SNTG1: variants seen among roughly 807,000 people sequenced by gnomAD.
The protein encoded by SNTG1 is syntrophin gamma 1.
In SNTG1, 39 loss-of-function variants were observed where a neutral mutation model predicts 74.7. That is an observed-to-expected ratio of 0.52 (90% CI 0.40 to 0.68). The LOEUF is 0.68. Ranked by LOEUF, SNTG1 falls within the 30% of genes least tolerant of loss-of-function variation. SNTG1 has a pLI of 0.00. For missense variants in SNTG1, 685 were observed against 609.5 expected (o/e 1.12, Z -1.30); for synonymous variants, 254 against 217.1 (o/e 1.17, Z -1.49).
intron 1 of SNTG1, among the ~76,000 whole-genome samples, chr8:49,938,260 C>T (rs1232593382): frequency 6.6e-6 from 1 of 152,164 alleles, no homozygotes. Context: ...TGATCATTGC[C>T]CATGATGTGT....
intron 2 of SNTG1, among the ~76,000 whole-genome samples, chr8:50,303,405 G>A (rs2089736745): frequency 6.6e-6 from 1 of 151,616 alleles, no homozygotes; most frequent in African/African-American, 2.4e-5. Flanking sequence ...AGTAAATAAA[G>A]GTAATAAATA....
intron 1 of SNTG1, among the ~76,000 whole-genome samples, chr8:49,957,231 G>C (rs1810260635): frequency 6.6e-6 from 1 of 152,294 alleles, no homozygotes; most frequent in East Asian, 1.9e-4. Flanking sequence ...CATTCTCACA[G>C]TTTCCAGCAG....
intron 2 of SNTG1, among the ~76,000 whole-genome samples, chr8:50,385,418 G>T (rs1485585940): frequency 6.6e-6 from 1 of 152,138 alleles, no homozygotes. Flanking sequence ...CACACCACTG[G>T]ACCCCCAGAA....
intron 1 of SNTG1, among the ~76,000 whole-genome samples, chr8:50,077,485 ATAT>A (rs1821997777): frequency 6.6e-6 from 1 of 152,164 alleles, no homozygotes; most frequent in Non-Finnish European, 1.5e-5. Context: ...ATAATCACTC[ATAT>A]TATGGTTATT....
intron 2 of SNTG1, among the ~76,000 whole-genome samples, chr8:50,172,976 C>A (rs998061875): frequency 2.0e-5 from 3 of 149,014 alleles, no homozygotes; most frequent in African/African-American, 7.4e-5. Flanking sequence ...CAAAAACACC[C>A]TTTATTAGGT....
At chr8:49,920,006 C>G (rs1190048108) in intron 1 of SNTG1, among the ~76,000 whole-genome samples, 1 of 152,052 alleles carries the variant, frequency 6.6e-6, no homozygotes, top group Non-Finnish European at 1.5e-5. Context: ...TCATTAACTT[C>G]ATAAATTAAC....
At chr8:50,323,585 T>G (rs1220874753) in intron 2 of SNTG1, among the ~76,000 whole-genome samples, 1 of 152,146 alleles carries the variant, frequency 6.6e-6, no homozygotes, top group Non-Finnish European at 1.5e-5. Context: ...CCAGAAAAAT[T>G]CTCTCAATTA....
At chr8:50,182,015 T>C (rs1000745065) in intron 2 of SNTG1, among the ~76,000 whole-genome samples, 2 of 152,164 alleles carry the variant, frequency 1.3e-5, no homozygotes, top group Non-Finnish European at 2.9e-5. Flanking sequence ...ATTTTCAAAA[T>C]TATTCTACAC....
At chr8:50,632,552 C>G (rs1373245861) in intron 13 of SNTG1, among the ~76,000 whole-genome samples, 1 of 152,092 alleles carries the variant, frequency 6.6e-6, no homozygotes, top group African/African-American at 2.4e-5. Flanking sequence ...TCAAGTGATC[C>G]ACCCACCTTG....
chr8:50,721,281 T>C (rs926520571), intron 17 of SNTG1, among the ~76,000 whole-genome samples: 1 of 152,178 alleles, frequency 6.6e-6, no homozygotes, highest in African/African-American at 2.4e-5. Context: ...ACCTGTATTG[T>C]AAGTGTCAAA....
chr8:50,236,454 T>TTTC (rs2085902262), intron 2 of SNTG1, among the ~76,000 whole-genome samples: 1 of 149,628 alleles, frequency 6.7e-6, no homozygotes, highest in East Asian at 2.0e-4. Context: ...TTGTAAATTT[T>TTTC]TTTTTTTTTT....
intron 2 of SNTG1, among the ~76,000 whole-genome samples, chr8:50,329,301 G>A (rs576830835): frequency 2.0e-4 from 30 of 152,222 alleles, no homozygotes; most frequent in African/African-American, 7.0e-4. Flanking sequence ...GATTTCAGTG[G>A]AAACTATGTG....
chr8:50,264,348 G>A (rs916428765), intron 2 of SNTG1, among the ~76,000 whole-genome samples: 9 of 151,990 alleles, frequency 5.9e-5, no homozygotes, highest in Non-Finnish European at 1.2e-4. Context: ...CGGGAAGATC[G>A]TTTGAGGTCA....
At chr8:50,661,727 G>T (rs1019328581) in intron 15 of SNTG1, among the ~76,000 whole-genome samples, 3 of 152,182 alleles carry the variant, frequency 2.0e-5, no homozygotes, top group South Asian at 4.1e-4. Flanking sequence ...ACAGGCCCTG[G>T]TGTGTGATGT....
intron 1 of SNTG1, among the ~76,000 whole-genome samples, chr8:50,093,509 A>G (rs2079817734): frequency 6.6e-6 from 1 of 152,112 alleles, no homozygotes; most frequent in Non-Finnish European, 1.5e-5. Context: ...CTGTGAAGCC[A>G]AGTGAAATAG....
intron 18 of SNTG1, among the ~76,000 whole-genome samples, chr8:50,777,933 A>G (rs527659736): frequency 4.5e-4 from 69 of 151,836 alleles, no homozygotes; most frequent in African/African-American, 1.6e-3. Context: ...ATTCCCACCT[A>G]TGAGTGAGAA....
Position 50,402,352 on chromosome 8 carries a change from G to T in SNTG1, c.162+8G>T. 6.4e-7 allele frequency: 1 copy of T among 1,569,960 alleles called. No individual in the cohort carries two copies. The highest frequency in any genetic ancestry group is 8.6e-7 in the Non-Finnish European group (1 of 1,165,718). ...GAGCCTTTCTATTCTGGTGTAAGTAGCTTTTTCTTCTGTTGAAATTTTTTG... is the reference window on the plus strand; with the variant it reads ...GAGCCTTTCTATTCTGGTGTAAGTATCTTTTTCTTCTGTTGAAATTTTTTG... On this transcript the variant is annotated splice_region_variant and intron_variant, in intron 4 of 18. Transcript: ENST00000642720.
At chr8:50,408,553 G>A (rs1352700118) in intron 4 of SNTG1, among the ~76,000 whole-genome samples, 3 of 152,158 alleles carry the variant, frequency 2.0e-5, no homozygotes, top group Admixed American at 2.0e-4. Context: ...CAAGGCAGGA[G>A]AGGGTGCCAT....
chr8:49,992,570 C>A (rs774640267), intron 1 of SNTG1, among the ~76,000 whole-genome samples: 1 of 152,128 alleles, frequency 6.6e-6, no homozygotes, highest in Non-Finnish European at 1.5e-5. Context: ...GCCTCAGCAA[C>A]CTTGTTACCT....
Sources: gnomAD v4.1 joint callset for allele counts (sites outside exome capture counted in the v4.1 genomes callset) on GRCh38, gnomAD v4.1.1 for gene constraint, MANE v1.5 for transcripts, NCBI Gene and HGNC (gene_info 2026-07-23, HGNC 2026-07-21) for gene names.